The following TMEM132D variants were observed in gnomAD, a reference collection of about 807,000 sequenced individuals.
The protein encoded by TMEM132D is mature OL transmembrane protein.
TMEM132D carries 21 observed loss-of-function variants against 62.3 expected under a neutral mutation model. The observed-to-expected ratio is 0.34, with a 90% CI of 0.24 to 0.49. TMEM132D has a LOEUF of 0.49. Ranked by LOEUF, TMEM132D falls within the 20% of genes least tolerant of loss-of-function variation. TMEM132D has a pLI of 0.99. For synonymous variants in TMEM132D, 621 were observed against 575.6 expected (o/e 1.08, Z -1.13); for missense variants, 1,346 against 1,402.8 (o/e 0.96, Z 0.65).
At position 129,261,966 on chromosome 12, in the gene TMEM132D, G is replaced by C. The variant is rs112490778; in HGVS notation, c.1300-52303C>G. ...ACATATTTTCTTGACAATAAAAAGG[G>C]ATAAATCGATGATTCAGGAGAGAGG... On this transcript the variant is annotated intron_variant, in intron 4 of 8. Coordinates refer to ENST00000422113, the MANE Select transcript of TMEM132D (RefSeq NM_133448.3). 1.7e-3 allele frequency among the ~76,000 whole-genome samples: 259 copies of C among 152,218 alleles called. 3 individuals carry two copies. Among genetic ancestry groups the C allele is most frequent in the African/African-American group, 5.9e-3 (247 of 41,538 alleles).
chr12:129,542,957 T>G (rs1876623415), intron 2 of TMEM132D, among the ~76,000 whole-genome samples: 2 of 151,982 alleles, frequency 1.3e-5, no homozygotes, highest in South Asian at 4.2e-4. Context: ...TACCATACAG[T>G]CTAGGTGTGG....
intron 2 of TMEM132D, among the ~76,000 whole-genome samples, chr12:129,592,660 G>T (rs897936541): frequency 2.0e-5 from 3 of 152,192 alleles, no homozygotes; most frequent in Non-Finnish European, 4.4e-5. Context: ...AAAAGAATGA[G>T]CCAGCTCTAC....
intron 2 of TMEM132D, among the ~76,000 whole-genome samples, chr12:129,543,974 A>G (rs1474423869): frequency 6.6e-6 from 1 of 152,236 alleles, no homozygotes; most frequent in Non-Finnish European, 1.5e-5. Flanking sequence ...AACACTGCAC[A>G]CACATATATG....
chr12:129,583,942 CTT>C (rs1200512476), intron 2 of TMEM132D, among the ~76,000 whole-genome samples: 1 of 152,292 alleles, frequency 6.6e-6, no homozygotes, highest in East Asian at 1.9e-4. Flanking sequence ...CAAATTTTCT[CTT>C]TTATAAATAA....
intron 4 of TMEM132D, among the ~76,000 whole-genome samples, chr12:129,306,045 C>T (rs1040183219): frequency 1.3e-5 from 2 of 152,094 alleles, no homozygotes; most frequent in African/African-American, 2.4e-5. Flanking sequence ...TGTCAGGGAA[C>T]GGGTTTAACT....
At position 129,374,448 on chromosome 12, in the gene TMEM132D, C is replaced by A. The variant is rs115922699; in HGVS notation, c.1116-36631G>T. 1.8e-3 allele frequency among the ~76,000 whole-genome samples: 279 copies of A among 152,146 alleles called. 1 individual carries two copies. Among genetic ancestry groups the A allele is most frequent in the African/African-American group, 6.2e-3 (257 of 41,508 alleles). ...CAACAGATGAATTTGGGGATGGACA[C>A]ATTCAGTGCATAACAGATGCCTTGG... is the stretch of plus-strand genomic sequence containing the variant. On this transcript the variant is annotated intron_variant, in intron 3 of 8. Transcript: ENST00000422113.
At position 129,435,662 on chromosome 12, in the gene TMEM132D, C is replaced by T. The variant is rs937462308; in HGVS notation, c.1115+95397G>A. On this transcript the variant is annotated intron_variant, in intron 3 of 8. Transcript: ENST00000422113. ...ACCTCTGTTCCAGGATGATGAATCC[C>T]AAGCCTAGTTTTTCTCCCCTGAAGA... Among the ~76,000 whole-genome samples the T allele has an allele frequency of 2.0e-5, 3 of 152,130 alleles. No homozygotes were observed. In the East Asian group the frequency reaches 5.8e-4, roughly 29 times the overall value.
intron 1 of TMEM132D, among the ~76,000 whole-genome samples, chr12:129,838,443 A>G (rs1873074856): frequency 4.6e-5 from 7 of 152,206 alleles, no homozygotes; most frequent in Admixed American, 4.6e-4. Flanking sequence ...CAGTTCAGGC[A>G]TTGCACTTTT....
At chr12:129,517,517 C>T (rs1359673679) in intron 3 of TMEM132D, among the ~76,000 whole-genome samples, 1 of 152,140 alleles carries the variant, frequency 6.6e-6, no homozygotes, top group Non-Finnish European at 1.5e-5. Flanking sequence ...GTGGGGAAGA[C>T]ATTAGCTGCC....
chr12:129,870,885 A>G (rs531388340), intron 1 of TMEM132D, among the ~76,000 whole-genome samples: 26 of 151,666 alleles, frequency 1.7e-4, no homozygotes, highest in African/African-American at 6.3e-4. Context: ...CCAGCCATTA[A>G]CCCACGGGGT....
intron 1 of TMEM132D, among the ~76,000 whole-genome samples, chr12:129,824,198 T>C (rs551841623): frequency 7.2e-5 from 11 of 152,302 alleles, no homozygotes; most frequent in Non-Finnish European, 1.3e-4. Flanking sequence ...TAAGGTAAAG[T>C]TTTGAAGCAG....
chr12:129,084,488 C>T lies in TMEM132D; in HGVS notation c.1649+9G>A, dbSNP rs1375005614. On this transcript the variant is annotated intron_variant, in intron 6 of 8. Transcript: ENST00000422113. ...TTAGCCTGCCATGGAGTTTCAGGGA[C>T]ATACCCACCTCCTGCTGGAGACGAT... 7.0e-6 allele frequency: 11 copies of T among 1,582,316 alleles called. No homozygotes were observed. In the Middle Eastern group the frequency reaches 5.1e-4, roughly 73 times the overall value.
intron 5 of TMEM132D, chr12:129,109,783 T>C: frequency 6.2e-6 from 1 of 161,198 alleles, no homozygotes; most frequent in Non-Finnish European, 1.3e-5. Context: ...CCTCTTTTTG[T>C]TCCCCGTTTT....
chr12:129,164,228 C>T (rs954691012), intron 5 of TMEM132D, among the ~76,000 whole-genome samples: 3 of 152,244 alleles, frequency 2.0e-5, no homozygotes, highest in African/African-American at 7.2e-5. Flanking sequence ...CCGGTCAACT[C>T]ATGTCAAAAG....
chr12:129,331,295 G>A (rs1869094717), intron 4 of TMEM132D, among the ~76,000 whole-genome samples: 1 of 152,196 alleles, frequency 6.6e-6, no homozygotes, highest in Non-Finnish European at 1.5e-5. Context: ...TCAGGGCTGG[G>A]TTTGGCAGAT....
intron 3 of TMEM132D, among the ~76,000 whole-genome samples, chr12:129,480,149 C>T (rs1362046502): frequency 6.6e-6 from 1 of 152,222 alleles, no homozygotes; most frequent in Non-Finnish European, 1.5e-5. Context: ...AGAGGAGGGT[C>T]CAGGCAGCGG....
intron 1 of TMEM132D, among the ~76,000 whole-genome samples, chr12:129,716,283 G>T (rs890295720): frequency 1.8e-4 from 28 of 152,282 alleles, no homozygotes; most frequent in Admixed American, 1.2e-3. Flanking sequence ...GGGAGTCCCC[G>T]ATGATGGATC....
intron 3 of TMEM132D, among the ~76,000 whole-genome samples, chr12:129,381,467 TA>T (rs1870947978): frequency 6.6e-6 from 1 of 152,182 alleles, no homozygotes; most frequent in Non-Finnish European, 1.5e-5. Flanking sequence ...TTTTTGTTTT[TA>T]AAACTTTACT....
intron 1 of TMEM132D, among the ~76,000 whole-genome samples, chr12:129,726,153 T>C (rs1027061380): frequency 6.6e-6 from 1 of 152,214 alleles, no homozygotes; most frequent in Non-Finnish European, 1.5e-5. Flanking sequence ...GAAGAGACTC[T>C]TGGGAGCTTG....
Sources: gnomAD v4.1 joint callset for allele counts (sites outside exome capture counted in the v4.1 genomes callset) on GRCh38, gnomAD v4.1.1 for gene constraint, MANE v1.5 for transcripts, NCBI Gene and HGNC (gene_info 2026-07-23, HGNC 2026-07-21) for gene names.